Variants in G6PC1 observed in about 807,000 individuals in gnomAD.
G6PC1 encodes G-6-Pase.
In G6PC1, 23 loss-of-function variants were observed where a neutral mutation model predicts 30.4. That is an observed-to-expected ratio of 0.76 (90% CI 0.55 to 1.07). The LOEUF is 1.07. Among genes scored for constraint, G6PC1 ranks in the 50% least tolerant of loss-of-function variants. G6PC1 has a pLI of 0.00. For synonymous variants in G6PC1, 163 were observed against 175.6 expected (o/e 0.93, Z 0.57); for missense variants, 391 against 433.9 (o/e 0.90, Z 0.88).
chr17:42,911,000 G>T lies in G6PC1; in HGVS notation c.648G>T (p.Leu216=), dbSNP rs80356484. Residue 216 remains leucine, a synonymous_variant, in exon 5 of 5, where the codon CTG becomes CTT. Coordinates refer to ENST00000253801, the MANE Select transcript of G6PC1 (RefSeq NM_000151.4). ...AATATTTTCTCATTACCTTCTTCCT[G>T]TTCAGCTTCGCCATCGGATTTTATC... ...LKKYFLITFF[L]FSFAIGFYLL... The T allele has an allele frequency of 3.8e-5, 61 of 1,614,166 alleles. No individual in the cohort carries two copies. The East Asian group carries it at 1.4e-3, about 36-fold the overall frequency.
chr17:42,907,648 G>T lies in G6PC1; in HGVS notation c.446+20G>T, dbSNP rs747830634. The T allele has an allele frequency of 1.4e-5, 22 of 1,531,612 alleles. No homozygotes were observed. Among genetic ancestry groups the T allele is most frequent in the Admixed American group, 6.7e-5 (4 of 59,722 alleles). The allele number at this position is 1,531,612 out of a possible 1,614,324, so 94.9% of individuals were successfully genotyped here. A position where few individuals can be genotyped will look rare whatever the true frequency, so the allele number is the denominator to read the frequency against. ...ATTTCGGTAAGAACTCACCACTGGG[G>T]TGTAGGTGGTGGAGGGCAGGAGGCA... On this transcript the variant is annotated intron_variant, in intron 3 of 4. Coordinates refer to ENST00000253801, the MANE Select transcript of G6PC1 (RefSeq NM_000151.4).
intron 2 of G6PC1, 102 bp from the exon 3 acceptor site, chr17:42,907,421 G>A: frequency 1.3e-6 from 1 of 760,006 alleles, no homozygotes; most frequent in South Asian, 1.5e-5. Flanking sequence ...TGAATGGGTA[G>A]ATGGGTGGAT....
chr17:42,903,321 T>C (rs1220945466), intron 1 of G6PC1, among the ~76,000 whole-genome samples: 3 of 151,918 alleles, frequency 2.0e-5, no homozygotes, highest in African/African-American at 7.2e-5. Flanking sequence ...TGACCTCATG[T>C]GATCTGCCTG....
rs113390675 is a variant in G6PC1, at chr17:42,914,099, C to CT, written c.*2687dup. Among the ~76,000 whole-genome samples, 1,935 of 143,156 alleles carry CT rather than the reference C, an allele frequency of 0.014. 22 individuals are homozygous for CT. The highest frequency in any genetic ancestry group is 0.029 in the East Asian group (144 of 4,914). The allele number at this position is 143,156 out of a possible 152,430, so 93.9% of individuals were successfully genotyped here. A position where few individuals can be genotyped will look rare whatever the true frequency, so the allele number is the denominator to read the frequency against. ...CCCAACCAGGGAGAAAGAAAATAGT[C>CT]TTTTTTTTTTTTTTAATAGAGATGG... On this transcript the variant is annotated 3_prime_UTR_variant, in exon 5 of 5. Coordinates refer to ENST00000253801, the MANE Select transcript of G6PC1 (RefSeq NM_000151.4).
chr17:42,912,552 T>C lies in G6PC1; in HGVS notation c.*1126T>C, dbSNP rs575186130. 7.9e-5 allele frequency: 12 copies of C among 152,220 alleles called. No individual in the cohort carries two copies. Among genetic ancestry groups the C allele is most frequent in the African/African-American group, 2.9e-4 (12 of 41,522 alleles). 9.4% of individuals were successfully genotyped at this position (152,220 alleles called of 1,614,324 possible). On this transcript the variant is annotated 3_prime_UTR_variant, in exon 5 of 5. Transcript: ENST00000253801. Reference sequence around the variant, plus strand: ...TCTCAGGTCACTCCAGTGTTACTTTTAATTCCTAGAGGGTAAATATGACTC... The same window carrying C: ...TCTCAGGTCACTCCAGTGTTACTTTCAATTCCTAGAGGGTAAATATGACTC...
At chr17:42,901,132 A>C in intron 1 of G6PC1, 26 bp downstream of exon 1, 1 of 1,582,976 alleles carries the variant, frequency 6.3e-7, no homozygotes, top group African/African-American at 1.3e-5. Context: ...AGAGGAGATC[A>C]GCAAGAAAAG....
intron 1 of G6PC1, among the ~76,000 whole-genome samples, chr17:42,901,492 C>A (rs371226038): frequency 2.6e-5 from 4 of 151,862 alleles, no homozygotes; most frequent in Admixed American, 6.6e-5. Flanking sequence ...CCGAGGTGGG[C>A]GAATCACTCC....
rs185035399 is a variant in G6PC1 at position 42,906,803 on chromosome 17, C to T, written c.341-720C>T. ...GCTGAGGTGGGAGGATTGCTTGAGT[C>T]CAGGAGGTCGAGGCTGCAGTGAGCT... On this transcript the variant is annotated intron_variant, in intron 2 of 4. Coordinates refer to ENST00000253801, the MANE Select transcript of G6PC1 (RefSeq NM_000151.4). 7.2e-4 allele frequency among the ~76,000 whole-genome samples: 110 copies of T among 152,108 alleles called. 2 individuals are homozygous for T. In the East Asian group the frequency reaches 0.02, roughly 28 times the overall value.
At chr17:42,909,126 G>A (rs559749767) in intron 3 of G6PC1, among the ~76,000 whole-genome samples, 177 bp from the exon 4 acceptor site, 22 of 152,276 alleles carry the variant, frequency 1.4e-4, no homozygotes, top group African/African-American at 5.3e-4. Flanking sequence ...TTACAGGTCT[G>A]AGCCGCTGCA....
Position 42,911,388 on chromosome 17 carries a change from G to A in G6PC1, c.1036G>A (p.Ala346Thr), listed in dbSNP as rs1444458077. 28 of 1,614,088 alleles carry A rather than the reference G, an allele frequency of 1.7e-5. No individual in the cohort carries two copies. Among genetic ancestry groups the A allele is most frequent in the South Asian group, 2.2e-5 (2 of 91,072 alleles). Reference sequence around the variant, plus strand: ...CGTCAGTGTCATCCCCTACTGCCTCGCCCAGGTCCTGGGCCAGCCGCACAA... The same window carrying A: ...CGTCAGTGTCATCCCCTACTGCCTCACCCAGGTCCTGGGCCAGCCGCACAA... ...ASVSVIPYCL[A>T]QVLGQPHKKS... Residue 346 changes from alanine (A) to threonine (T), a missense_variant, in exon 5 of 5, where the codon GCC (alanine) becomes ACC (threonine). Ala to Thr is a moderately conservative substitution (Grantham distance 58, BLOSUM62 0). Coordinates refer to ENST00000253801, the MANE Select transcript of G6PC1 (RefSeq NM_000151.4).
rs2056101654 is a variant in G6PC1, at chr17:42,912,402, C to T, written c.*976C>T. 1 of 152,574 alleles carries T rather than the reference C, an allele frequency of 6.6e-6. No individual in the cohort carries two copies. Among genetic ancestry groups the T allele is most frequent in the Non-Finnish European group, 1.5e-5 (1 of 68,076 alleles). The allele number at this position is 152,574 out of a possible 1,614,324, so 9.5% of individuals were successfully genotyped here. A position where few individuals can be genotyped will look rare whatever the true frequency, so the allele number is the denominator to read the frequency against. On this transcript the variant is annotated 3_prime_UTR_variant, in exon 5 of 5. Transcript: ENST00000253801. ...GCTCTGCTTTTTCCAGATTCTTCCACTGGCTCCACATCCACCCCACTGGAT... is the reference window on the plus strand; with the variant it reads ...GCTCTGCTTTTTCCAGATTCTTCCATTGGCTCCACATCCACCCCACTGGAT...
chr17:42,907,977 A>T (rs1360248355), intron 3 of G6PC1, among the ~76,000 whole-genome samples: 1 of 152,228 alleles, frequency 6.6e-6, no homozygotes, highest in Non-Finnish European at 1.5e-5. Flanking sequence ...AACCAGAGAA[A>T]CAGAAGATAT....
intron 1 of G6PC1, among the ~76,000 whole-genome samples, chr17:42,901,456 A>G (rs2056025565): frequency 6.6e-6 from 1 of 152,114 alleles, no homozygotes; most frequent in Admixed American, 6.6e-5. Flanking sequence ...GGTGGCTCAC[A>G]CCTGTAATCC....
intron 1 of G6PC1, among the ~76,000 whole-genome samples, chr17:42,901,586 C>A (rs1597987119): frequency 6.6e-6 from 1 of 151,442 alleles, no homozygotes; most frequent in South Asian, 2.1e-4. Flanking sequence ...ATTAGCTGGG[C>A]GTGTTGGTGC....
chr17:42,905,765 G>A (rs1389831446), intron 2 of G6PC1, among the ~76,000 whole-genome samples: 2 of 151,836 alleles, frequency 1.3e-5, no homozygotes, highest in East Asian at 1.9e-4. Flanking sequence ...AAAGTAGGCC[G>A]GGCGCGGTGG....
intron 2 of G6PC1, among the ~76,000 whole-genome samples, chr17:42,906,405 G>A (rs906664757): frequency 2.0e-5 from 3 of 152,122 alleles, no homozygotes; most frequent in Admixed American, 6.6e-5. Context: ...TGGGGAGAGC[G>A]TAACCTTGAT....
At chr17:42,904,298 C>T (rs1032669551) in intron 2 of G6PC1, 26 of 461,936 alleles carry the variant, frequency 5.6e-5, no homozygotes, top group East Asian at 1.4e-4. Context: ...GAGTCACCGC[C>T]CTGCAGCGCT....
rs1335466508 is a variant in G6PC1, at chr17:42,911,413, A to G, written c.1061A>G (p.Lys354Arg). 1 of 1,614,188 alleles carries G rather than the reference A, an allele frequency of 6.2e-7. No homozygotes were observed. The highest frequency in any genetic ancestry group is 8.5e-7 in the Non-Finnish European group (1 of 1,180,044). Residue 354 changes from lysine to arginine, a missense_variant, in exon 5 of 5, where the codon AAG becomes AGG. Coordinates refer to ENST00000253801, the MANE Select transcript of G6PC1 (RefSeq NM_000151.4). ...GCCCAGGTCCTGGGCCAGCCGCACA[A>G]GAAGTCGTTGTAAGAGATGTGGAGT... is the stretch of plus-strand genomic sequence containing the variant. ...CLAQVLGQPH[K>R]KSL is the part of the protein sequence containing the mutation.
chr17:42,902,765 G>C (rs563090984), intron 1 of G6PC1, among the ~76,000 whole-genome samples: 3 of 152,168 alleles, frequency 2.0e-5, no homozygotes, highest in South Asian at 4.2e-4. Flanking sequence ...ACTTTTAAAG[G>C]GGAAGTGGTT....
Sources: allele counts gnomAD v4.1 joint callset (sites outside exome capture counted in the v4.1 genomes callset), GRCh38; gene constraint gnomAD v4.1.1; transcripts MANE v1.5; gene names NCBI Gene and HGNC (gene_info 2026-07-23, HGNC 2026-07-21).